The following CLEC19A variants were observed in gnomAD, a reference collection of about 807,000 sequenced individuals.
CLEC19A encodes the protein C-type lectin domain containing 19A, also known as C-type lectin domain family 19 member A.
In CLEC19A, 21 loss-of-function variants were observed where a neutral mutation model predicts 26.1. That is an observed-to-expected ratio of 0.80 (90% CI 0.57 to 1.16). CLEC19A has a LOEUF of 1.16. CLEC19A is among the 50% of genes most tolerant of loss of function. The pLI, the probability that CLEC19A is intolerant of heterozygous loss-of-function variation, is 0.00. For synonymous variants in CLEC19A, 89 were observed against 88.6 expected (o/e 1.00, Z -0.03); for missense variants, 224 against 227.6 (o/e 0.98, Z 0.10).
In CLEC19A at chr16:19,309,995, G is replaced by A. The variant is rs889655172; in HGVS notation, c.*912G>A. Reference sequence around the variant, plus strand: ...AACACATGGGCTCAAAGATGAGGCTGGTTCTTCAAAGGAAAACAAAAAGAT... The same window carrying A: ...AACACATGGGCTCAAAGATGAGGCTAGTTCTTCAAAGGAAAACAAAAAGAT... On this transcript the variant is annotated 3_prime_UTR_variant, in exon 5 of 5. Transcript: ENST00000636231. 11 of 152,058 alleles carry A rather than the reference G, an allele frequency of 7.2e-5. No homozygotes were observed. The highest frequency in any genetic ancestry group is 2.4e-4 in the African/African-American group (10 of 41,380). The allele number at this position is 152,058 out of a possible 1,614,324, so 9.4% of individuals were successfully genotyped here. A position where few individuals can be genotyped will look rare whatever the true frequency, so the allele number is the denominator to read the frequency against.
chr16:19,298,089 A>G (rs1442823867), intron 1 of CLEC19A, among the ~76,000 whole-genome samples: 2 of 152,166 alleles, frequency 1.3e-5, no homozygotes, highest in East Asian at 3.9e-4. Context: ...CGTCTCTACT[A>G]AAAATACAAA....
chr16:19,306,747 C>G (rs1897963996), intron 3 of CLEC19A, among the ~76,000 whole-genome samples: 1 of 145,730 alleles, frequency 6.9e-6, no homozygotes, highest in African/African-American at 2.5e-5. Flanking sequence ...CTCCACCACA[C>G]AGATGTGGAA....
chr16:19,298,016 C>T (rs111586090), intron 1 of CLEC19A, among the ~76,000 whole-genome samples: 4 of 151,652 alleles, frequency 2.6e-5, no homozygotes, highest in Non-Finnish European at 5.9e-5. Flanking sequence ...TTTGGGAGGC[C>T]GAGGCGGGCG....
intron 1 of CLEC19A, among the ~76,000 whole-genome samples, chr16:19,298,365 A>G (rs1489173529): frequency 6.6e-6 from 1 of 152,136 alleles, no homozygotes; most frequent in Non-Finnish European, 1.5e-5. Flanking sequence ...AGCCTGGTCA[A>G]CATGGTAAGA....
intron 1 of CLEC19A, among the ~76,000 whole-genome samples, chr16:19,286,503 G>T (rs1897472732): frequency 2.0e-5 from 3 of 152,216 alleles, no homozygotes; most frequent in Non-Finnish European, 4.4e-5. Flanking sequence ...CATCCCCAGG[G>T]ATGAGAACCT....
intron 1 of CLEC19A, among the ~76,000 whole-genome samples, chr16:19,298,243 C>CA (rs377007663): frequency 0.76 from 96,912 of 127,374 alleles, 38,004 homozygotes; most frequent in Non-Finnish European, 0.87. Context: ...AACTCAATCT[C>CA]AAAAAAAAAA....
chr16:19,301,727 G>GTT (rs1215000402), intron 2 of CLEC19A, among the ~76,000 whole-genome samples: 1 of 28,556 alleles, frequency 3.5e-5, no homozygotes, highest in African/African-American at 8.6e-5. Context: ...CCATGCCCAG[G>GTT]TTTTTTTGGT....
chr16:19,288,331 G>A (rs1032563924), intron 1 of CLEC19A, among the ~76,000 whole-genome samples: 1 of 152,144 alleles, frequency 6.6e-6, no homozygotes, highest in African/African-American at 2.4e-5. Flanking sequence ...GGATTTAGGG[G>A]TCTCTGTGGG....
At chr16:19,297,892 T>C (rs1202042290) in intron 1 of CLEC19A, among the ~76,000 whole-genome samples, 1 of 152,168 alleles carries the variant, frequency 6.6e-6, no homozygotes, top group Non-Finnish European at 1.5e-5. Flanking sequence ...ATATGTTTTT[T>C]GGACCTCAAG....
chr16:19,291,734 AGG>A (rs542316310), intron 1 of CLEC19A, among the ~76,000 whole-genome samples: 1 of 152,118 alleles, frequency 6.6e-6, no homozygotes, highest in African/African-American at 2.4e-5. Flanking sequence ...GTAAAGGAGG[AGG>A]GGGAAATGCC....
chr16:19,304,396 T>TAAAAAAAAA (rs35007845), intron 3 of CLEC19A: 1 of 193,918 alleles, frequency 5.2e-6, no homozygotes, highest in African/African-American at 2.6e-5. Context: ...TGGGTTCTCT[T>TAAAAAAAAA]AAAAAAAAAA....
rs1214117372 is a variant in CLEC19A at position 19,309,303 on chromosome 16, T to C, written c.*220T>C. The stretch of plus-strand genomic sequence containing the variant: ...TAATTTTTTAAAGTGTTTTTTTTTT[T>C]AAATTGACCCAAGTAACAAAAATCC... On this transcript the variant is annotated 3_prime_UTR_variant, in exon 5 of 5. Coordinates refer to ENST00000636231, the MANE Select transcript of CLEC19A (RefSeq NM_001256720.2). 2.2e-6 allele frequency: 1 copy of C among 445,068 alleles called. No homozygotes were observed. Among genetic ancestry groups the C allele is most frequent in the Non-Finnish European group, 4.0e-6 (1 of 248,704 alleles). The allele number at this position is 445,068 out of a possible 1,614,324, so 27.6% of individuals were successfully genotyped here.
chr16:19,307,804 C>A, intron 4 of CLEC19A, 127 bp downstream of exon 4: 1 of 1,284,984 alleles, frequency 7.8e-7, no homozygotes, highest in Non-Finnish European at 1.1e-6. Flanking sequence ...TGTTCAGCAC[C>A]TTGGAGAGCG....
intron 1 of CLEC19A, among the ~76,000 whole-genome samples, chr16:19,296,672 T>C (rs990144857): frequency 2.0e-5 from 3 of 152,210 alleles, no homozygotes. Context: ...TTGGGCGAGT[T>C]ACTCAACCTG....
At chr16:19,297,682 T>C (rs1158075518) in intron 1 of CLEC19A, among the ~76,000 whole-genome samples, 2 of 152,088 alleles carry the variant, frequency 1.3e-5, no homozygotes, top group Non-Finnish European at 2.9e-5. Flanking sequence ...TATAATGACA[T>C]GGGGGAAATG....
intron 2 of CLEC19A, among the ~76,000 whole-genome samples, chr16:19,303,578 A>G (rs900334009): frequency 3.3e-5 from 5 of 152,212 alleles, no homozygotes; most frequent in African/African-American, 1.2e-4. Context: ...GTTGAAGCCT[A>G]GAGCTGAGTT....
At chr16:19,305,512 C>G (rs1897932839) in intron 3 of CLEC19A, among the ~76,000 whole-genome samples, 1 of 152,158 alleles carries the variant, frequency 6.6e-6, no homozygotes, top group Non-Finnish European at 1.5e-5. Flanking sequence ...TACTGAGTCT[C>G]TATTTTGCGT....
chr16:19,291,513 A>G (rs957203531), intron 1 of CLEC19A, among the ~76,000 whole-genome samples: 2 of 152,102 alleles, frequency 1.3e-5, no homozygotes, highest in Non-Finnish European at 2.9e-5. Context: ...GTGAAGATTG[A>G]GTGTATTTTT....
chr16:19,299,804 T>G (rs749312545), intron 2 of CLEC19A, among the ~76,000 whole-genome samples: 8 of 152,246 alleles, frequency 5.3e-5, no homozygotes, highest in Non-Finnish European at 8.8e-5. Context: ...TCAGGCCAGG[T>G]GTGATGTGTT....
Sources: gnomAD v4.1 joint callset for allele counts (sites outside exome capture counted in the v4.1 genomes callset) on GRCh38, gnomAD v4.1.1 for gene constraint, MANE v1.5 for transcripts, NCBI Gene and HGNC (gene_info 2026-07-23, HGNC 2026-07-21) for gene names.